Variants in RUFY1 observed in about 807,000 individuals in gnomAD.
RUFY1 encodes the protein RUN and FYVE domain containing 1.
Under a neutral mutation model 94.6 loss-of-function variants are expected in RUFY1, and 54 were observed. That is an observed-to-expected ratio of 0.57 (90% CI 0.46 to 0.72). The LOEUF (loss-of-function observed/expected upper bound fraction) is 0.72, where lower values mean the gene tolerates loss of function less well. Ranked by LOEUF, RUFY1 falls within the 30% of genes least tolerant of loss-of-function variation. The pLI is 0.00. For missense variants in RUFY1, 883 were observed against 883.9 expected, an observed-to-expected ratio of 1.00 and a Z score of 0.01; for synonymous variants, 396 against 347.3, an observed-to-expected ratio of 1.14 and a Z score of -1.56.
intron 5 of RUFY1, among the ~76,000 whole-genome samples, chr5:179,575,346 C>T (rs986794587): frequency 2.0e-5 from 3 of 151,744 alleles, no homozygotes; most frequent in Non-Finnish European, 2.9e-5. Context: ...GCTCTCTCCT[C>T]GTCTGTCTGC....
intron 7 of RUFY1, among the ~76,000 whole-genome samples, chr5:179,582,889 T>C (rs1764271778): frequency 6.6e-6 from 1 of 152,058 alleles, no homozygotes; most frequent in Admixed American, 6.6e-5. Flanking sequence ...GCTGAAATTT[T>C]ATAGTTTTCT....
chr5:179,578,573 T>A (rs1325480251), intron 6 of RUFY1, among the ~76,000 whole-genome samples: 2 of 151,998 alleles, frequency 1.3e-5, no homozygotes, highest in South Asian at 2.1e-4. Context: ...AACAAGGGTA[T>A]TCTTTTATAA....
intron 7 of RUFY1, among the ~76,000 whole-genome samples, chr5:179,582,400 T>A (rs1764233509): frequency 6.6e-6 from 1 of 152,124 alleles, no homozygotes; most frequent in African/African-American, 2.4e-5. Context: ...TAATTTTTTG[T>A]ATTTTTTGTA....
At chr5:179,585,120 G>A (rs1163741519) in intron 7 of RUFY1, among the ~76,000 whole-genome samples, 1 of 152,176 alleles carries the variant, frequency 6.6e-6, no homozygotes, top group Admixed American at 6.6e-5. Flanking sequence ...GAAAGAGTAA[G>A]ACTCTGTCTC....
rs7704894 is a variant in RUFY1, at chr5:179,582,704, G to A, written c.956+1692G>A. ...ACTAAAAATACAAAATTAGGCAGGCGTGGTGGTGCGTGCCTGTAATCCCAG... is the reference window on the plus strand; with the variant it reads ...ACTAAAAATACAAAATTAGGCAGGCATGGTGGTGCGTGCCTGTAATCCCAG... On this transcript the variant is annotated intron_variant, in intron 7 of 17. Transcript: ENST00000319449. Among the ~76,000 whole-genome samples, 1,411 of 151,988 alleles carry A rather than the reference G, an allele frequency of 9.3e-3. 24 individuals are homozygous for A. Among genetic ancestry groups the A allele is most frequent in the African/African-American group, 0.03 (1,238 of 41,446 alleles).
Position 179,550,858 on chromosome 5 carries a change from G to A in RUFY1, c.289G>A (p.Gly97Arg), listed in dbSNP as rs1761798908. ...AAAGLGGGDS[G>R]DGTARAASKC... ...CGCGGGGCTGGGCGGCGGGGACAGC[G>A]GGGACGGCACGGCGCGCGCAGGTAG... The change falls in exon 1 of 18, where the codon GGG becomes AGG. Residue 97 changes from glycine to arginine, a missense_variant. Gly to Arg is a moderately radical substitution (Grantham distance 125). Coordinates refer to ENST00000319449, the MANE Select transcript of RUFY1 (RefSeq NM_025158.5). 1 of 1,193,434 alleles carries A rather than the reference G, an allele frequency of 8.4e-7. No individual in the cohort carries two copies. Among genetic ancestry groups the A allele is most frequent in the Non-Finnish European group, 1.0e-6 (1 of 966,418 alleles). 73.9% of individuals were successfully genotyped at this position (1,193,434 alleles called of 1,614,324 possible). A position where few individuals can be genotyped will look rare whatever the true frequency, so the allele number is the denominator to read the frequency against.
chr5:179,577,158 ACTTT>A, intron 6 of RUFY1, 22 bp downstream of exon 6: 11 of 392,380 alleles, frequency 2.8e-5, no homozygotes, highest in Admixed American at 4.8e-5. Flanking sequence ...GTTGTATGTC[ACTTT>A]TTTTTTTTTT....
chr5:179,597,651 T>C (rs762045894), intron 13 of RUFY1, among the ~76,000 whole-genome samples: 11 of 152,212 alleles, frequency 7.2e-5, no homozygotes, highest in Non-Finnish European at 1.3e-4. Context: ...GGATTACAAG[T>C]GTGAACCACC....
intron 1 of RUFY1, among the ~76,000 whole-genome samples, chr5:179,553,979 C>A (rs1384257957): frequency 6.6e-6 from 1 of 152,030 alleles, no homozygotes; most frequent in Non-Finnish European, 1.5e-5. Flanking sequence ...AGGAAATGGG[C>A]CAAGGGCGGC....
rs201511795 is a variant in RUFY1, at chr5:179,584,648, TG to T, written c.957-1146del. Among the ~76,000 whole-genome samples the T allele has an allele frequency of 4.8e-4, 73 of 151,832 alleles. No homozygotes were observed. The East Asian group carries it at 0.012, about 25-fold the overall frequency. On this transcript the variant is annotated intron_variant, in intron 7 of 17. Coordinates refer to ENST00000319449, the MANE Select transcript of RUFY1 (RefSeq NM_025158.5). ...AAATACAAAAATTAGCTGGGCCTGG[TG>T]GCAAGGTGGGAGGCCAAGGTGGGAG... is the stretch of plus-strand genomic sequence containing the variant.
intron 16 of RUFY1, chr5:179,606,277 C>A (rs1767072185): frequency 3.3e-6 from 1 of 307,542 alleles, no homozygotes; most frequent in African/African-American, 2.2e-5. Context: ...AGTGAGGGGC[C>A]AGAGGCCAGC....
intron 1 of RUFY1, among the ~76,000 whole-genome samples, chr5:179,556,744 C>T (rs1762136341): frequency 6.6e-6 from 1 of 152,188 alleles, no homozygotes; most frequent in African/African-American, 2.4e-5. Flanking sequence ...AGGTGATCTG[C>T]CTGCCTCAGC....
At chr5:179,579,000 T>C (rs1763875057) in intron 6 of RUFY1, among the ~76,000 whole-genome samples, 1 of 152,246 alleles carries the variant, frequency 6.6e-6, no homozygotes, top group African/African-American at 2.4e-5. Context: ...TTCATATGTA[T>C]GCATGGAACA....
At chr5:179,570,567 T>G (rs1301718789) in intron 5 of RUFY1, among the ~76,000 whole-genome samples, 1 of 152,228 alleles carries the variant, frequency 6.6e-6, no homozygotes, top group African/African-American at 2.4e-5. Flanking sequence ...ACTGTAAATG[T>G]GTGAGGGGAA....
intron 5 of RUFY1, among the ~76,000 whole-genome samples, chr5:179,573,209 T>G (rs1346342854): frequency 6.6e-6 from 1 of 152,214 alleles, no homozygotes; most frequent in Non-Finnish European, 1.5e-5. Flanking sequence ...TCTGCTGTAC[T>G]TCTGTTTCAA....
At chr5:179,599,037 A>T (rs1315571006) in intron 14 of RUFY1, among the ~76,000 whole-genome samples, 2 of 152,244 alleles carry the variant, frequency 1.3e-5, no homozygotes. Context: ...GGCAAGTGCC[A>T]TGAAGAGAAT....
chr5:179,558,471 C>G (rs1762219825), intron 1 of RUFY1, among the ~76,000 whole-genome samples: 1 of 151,658 alleles, frequency 6.6e-6, no homozygotes, highest in South Asian at 2.1e-4. Context: ...ACTCGGGAGT[C>G]TGAAACAAGA....
chr5:179,570,823 AT>A (rs1290412775), intron 5 of RUFY1, among the ~76,000 whole-genome samples: 1 of 152,170 alleles, frequency 6.6e-6, no homozygotes, highest in African/African-American at 2.4e-5. Context: ...GTTGAAAAAT[AT>A]CTTTTTTTGA....
chr5:179,581,173 A>G (rs1764128620), intron 7 of RUFY1, among the ~76,000 whole-genome samples, 161 bp downstream of exon 7: 1 of 152,220 alleles, frequency 6.6e-6, no homozygotes, highest in Admixed American at 6.5e-5. Flanking sequence ...CTGAAGAAGT[A>G]TGATTTCTTC....
Sources: gnomAD v4.1 joint callset for allele counts (sites outside exome capture counted in the v4.1 genomes callset) on GRCh38, gnomAD v4.1.1 for gene constraint, MANE v1.5 for transcripts, NCBI Gene and HGNC (gene_info 2026-07-23, HGNC 2026-07-21) for gene names.